ANP32A: variants seen among roughly 807,000 people sequenced by gnomAD.
The protein encoded by ANP32A is acidic nuclear phosphoprotein 32 family member A.
Under a neutral mutation model 33.9 loss-of-function variants are expected in ANP32A, and 1 was observed. That is an observed-to-expected ratio of 0.03 (90% CI 0.01 to 0.14). ANP32A has a LOEUF of 0.14. ANP32A is among the 10% of genes least tolerant of loss of function. The probability of loss-of-function intolerance (pLI) is 1.00; values close to 1 mark genes in which losing one functional copy is unlikely to be tolerated. For synonymous variants in ANP32A, 115 were observed against 120.5 expected (o/e 0.95, Z 0.30); for missense variants, 155 against 306.0 (o/e 0.51, Z 3.68).
chr15:68,800,571 C>T lies in ANP32A; in HGVS notation c.55-12652G>A, dbSNP rs555942258. Among the ~76,000 whole-genome samples, 487 of 151,782 alleles carry T rather than the reference C, an allele frequency of 3.2e-3. 2 individuals carry two copies. The highest frequency in any genetic ancestry group is 0.011 in the African/African-American group (471 of 41,408). The stretch of plus-strand genomic sequence containing the variant: ...CATTCTGGCTAACACGGTGAAACCC[C>T]GACTCTACTAAAAATACAAAAAATT... On this transcript the variant is annotated intron_variant, in intron 1 of 6. Coordinates refer to ENST00000465139, the MANE Select transcript of ANP32A (RefSeq NM_006305.4).
chr15:68,799,239 T>C (rs1362368415), intron 1 of ANP32A, among the ~76,000 whole-genome samples: 4 of 151,962 alleles, frequency 2.6e-5, no homozygotes, highest in Non-Finnish European at 4.4e-5. Flanking sequence ...GCAAGGAAAC[T>C]ATGGGGAACT....
chr15:68,795,131 A>G (rs1034041936), intron 1 of ANP32A, among the ~76,000 whole-genome samples: 4 of 152,114 alleles, frequency 2.6e-5, no homozygotes, highest in African/African-American at 9.7e-5. Flanking sequence ...CATGGAATTA[A>G]CAGATCACTC....
At chr15:68,786,587 C>T (rs948567247) in intron 3 of ANP32A, among the ~76,000 whole-genome samples, 8 of 152,108 alleles carry the variant, frequency 5.3e-5, no homozygotes, top group Non-Finnish European at 8.8e-5. Flanking sequence ...TATGTATATT[C>T]ACAACAGGTG....
At chr15:68,787,196 C>T in intron 3 of ANP32A, 1 of 599,712 alleles carries the variant, frequency 1.7e-6, no homozygotes, top group East Asian at 3.0e-5. Context: ...ACAATAGCTG[C>T]CCATTCTGTC....
At position 68,779,685 on chromosome 15, in the gene ANP32A, C is replaced by A; in HGVS notation, c.*396G>T. The A allele has an allele frequency of 5.7e-6, 1 of 176,386 alleles. No individual in the cohort carries two copies. Among genetic ancestry groups the A allele is most frequent in the Non-Finnish European group, 1.2e-5 (1 of 83,614 alleles). The allele number at this position is 176,386 out of a possible 1,614,324, so 10.9% of individuals were successfully genotyped here. On this transcript the variant is annotated 3_prime_UTR_variant, in exon 7 of 7. Transcript: ENST00000465139. Reference sequence around the variant, plus strand: ...CAGCCCCTCCTGGGCATTGAGTAACCAAACTGAGACCAGCCACAGCCTTCC... The same window carrying A: ...CAGCCCCTCCTGGGCATTGAGTAACAAAACTGAGACCAGCCACAGCCTTCC...
At chr15:68,783,331 C>T (rs1428765985) in intron 4 of ANP32A, among the ~76,000 whole-genome samples, 1 of 151,996 alleles carries the variant, frequency 6.6e-6, no homozygotes, top group Non-Finnish European at 1.5e-5. Context: ...AGGAAATTGT[C>T]AGAGCACAGC....
chr15:68,790,073 G>A (rs1893980823), intron 1 of ANP32A: 1 of 152,360 alleles, frequency 6.6e-6, no homozygotes, highest in Non-Finnish European at 1.5e-5. Context: ...TGGGGGAGGG[G>A]AGCCATCTCC....
intron 5 of ANP32A, among the ~76,000 whole-genome samples, chr15:68,782,266 C>T (rs534179740): frequency 6.6e-6 from 1 of 152,174 alleles, no homozygotes; most frequent in Non-Finnish European, 1.5e-5. Flanking sequence ...GACACTTACC[C>T]CTTGTCAGAC....
At chr15:68,788,044 C>G in intron 1 of ANP32A, 125 bp from the exon 2 acceptor site, 1 of 1,199,862 alleles carries the variant, frequency 8.3e-7, no homozygotes, top group Non-Finnish European at 1.2e-6. Flanking sequence ...TCCGTCACTT[C>G]TTCTAGCTTT....
chr15:68,804,311 A>T (rs1894182883), intron 1 of ANP32A, among the ~76,000 whole-genome samples: 1 of 152,144 alleles, frequency 6.6e-6, no homozygotes, highest in Non-Finnish European at 1.5e-5. Context: ...GTATCCAAGC[A>T]CAGCTCCTCA....
At chr15:68,791,647 TG>T (rs1436003780) in intron 1 of ANP32A, 1 of 152,706 alleles carries the variant, frequency 6.5e-6, no homozygotes, top group Non-Finnish European at 1.5e-5. Flanking sequence ...TCCACTCCCT[TG>T]GGAAATCCCC....
chr15:68,807,334 G>T (rs1894244612), intron 1 of ANP32A, among the ~76,000 whole-genome samples: 2 of 148,300 alleles, frequency 1.3e-5, no homozygotes, highest in Non-Finnish European at 3.0e-5. Flanking sequence ...GGAAAGGTGA[G>T]CCAGCGCGAC....
In ANP32A at chr15:68,787,818, T is replaced by TAC; in HGVS notation, c.154_155dup (p.Gly53Ter). ...GTAAGTTTGCGATTGAGGTGAGGCCTACGTTGATTGTACTTAAGAATTCCA... is the reference window on the plus strand; with the variant it reads ...GTAAGTTTGCGATTGAGGTGAGGCCTACACGTTGATTGTACTTAAGAATTCCA... On this transcript the variant is annotated frameshift_variant, in exon 2 of 7. Coordinates refer to ENST00000465139, the MANE Select transcript of ANP32A (RefSeq NM_006305.4). LOFTEE classifies it high-confidence loss of function. The TAC allele has an allele frequency of 6.2e-7, 1 of 1,614,208 alleles. No homozygotes were observed. The highest frequency in any genetic ancestry group is 8.5e-7 in the Non-Finnish European group (1 of 1,180,044).
At position 68,783,043 on chromosome 15, in the gene ANP32A, A is replaced by G; in HGVS notation, c.537T>C (p.Tyr179=). 1 of 1,551,740 alleles carries G rather than the reference A, an allele frequency of 6.4e-7. No homozygotes were observed. The highest frequency in any genetic ancestry group is 1.2e-5 in the South Asian group (1 of 84,042). Residue 179 remains tyrosine, a synonymous_variant, in exon 5 of 7, where the codon TAT becomes TAC. Transcript: ENST00000465139. ...CTTCCACTACCTGAGCATCTTCATC[A>G]TACTCCTCCTCTGTGCAATCGAAAT... The part of the protein sequence containing the change: ...DEEEDEDEEE[Y]DEDAQVVEDE...
chr15:68,820,263 A>C (rs1463010565), intron 1 of ANP32A, among the ~76,000 whole-genome samples: 2 of 152,054 alleles, frequency 1.3e-5, no homozygotes, highest in East Asian at 1.9e-4. Context: ...AAAATGTAAA[A>C]CCCCCTTTTT....
chr15:68,783,962 TTC>T lies in ANP32A; in HGVS notation c.526+433_526+434del, dbSNP rs1226482331. Among the ~76,000 whole-genome samples, 5 of 152,132 alleles carry T rather than the reference TTC, an allele frequency of 3.3e-5. 1 individual carries two copies. Among genetic ancestry groups the T allele is most frequent in the Admixed American group, 2.0e-4 (3 of 15,274 alleles). Reference sequence around the variant, plus strand: ...AGAGGGGTCCTCAGGCCACACACTCTTCTCTCTCTATCCCCTCCCTCCCTCCC... The same window carrying T: ...AGAGGGGTCCTCAGGCCACACACTCTTCTCTCTATCCCCTCCCTCCCTCCC... On this transcript the variant is annotated intron_variant, in intron 4 of 6. Transcript: ENST00000465139.
At chr15:68,818,236 C>T (rs1336291475) in intron 1 of ANP32A, 3 of 257,868 alleles carry the variant, frequency 1.2e-5, no homozygotes, top group Admixed American at 4.5e-5. Context: ...GCGCGAGCCC[C>T]GGGAAACATG....
At chr15:68,806,712 C>A (rs1036931940) in intron 1 of ANP32A, among the ~76,000 whole-genome samples, 1 of 152,252 alleles carries the variant, frequency 6.6e-6, no homozygotes, top group African/African-American at 2.4e-5. Flanking sequence ...GAAAGCTTCA[C>A]AAAGTACAGG....
chr15:68,790,578 C>T (rs1187894885), intron 1 of ANP32A: 2 of 152,222 alleles, frequency 1.3e-5, no homozygotes, highest in Non-Finnish European at 2.9e-5. Context: ...TTCTCAAGCA[C>T]TCGCTAGGCA....
Sources: gnomAD v4.1 joint callset for allele counts (sites outside exome capture counted in the v4.1 genomes callset) on GRCh38, gnomAD v4.1.1 for gene constraint, MANE v1.5 for transcripts, NCBI Gene and HGNC (gene_info 2026-07-23, HGNC 2026-07-21) for gene names.